CARS2: variants seen among roughly 807,000 people sequenced by gnomAD.
CARS2 encodes probable cysteine--tRNA ligase, mitochondrial.
A neutral mutation model predicts 68.8 loss-of-function variants in CARS2; 52 were observed. That is an observed-to-expected ratio of 0.76 (90% CI 0.61 to 0.95). The LOEUF (loss-of-function observed/expected upper bound fraction) is 0.95. Among genes scored for constraint, CARS2 ranks in the 40% least tolerant of loss-of-function variants. The pLI is 0.00. For missense variants in CARS2, 780 were observed against 754.2 expected, an observed-to-expected ratio of 1.03 and a Z score of -0.40; for synonymous variants, 314 against 303.6, an observed-to-expected ratio of 1.03 and a Z score of -0.36.
intron 3 of CARS2, among the ~76,000 whole-genome samples, chr13:110,689,300 T>C (rs4000215): frequency 0.99 from 150,403 of 152,360 alleles, 74,260 homozygotes; most frequent in Middle Eastern, 1. Flanking sequence ...TGCTAGTCTC[T>C]CCGAGCTGCT....
exon 1 of CARS2, chr13:110,713,475 A>C: frequency 1.0e-6 from 1 of 988,904 alleles, no homozygotes; most frequent in Non-Finnish European, 1.2e-6. Flanking sequence ...TCCACACCCC[A>C]GCGGCCCTGA....
chr13:110,662,141 G>C (rs550782249), intron 9 of CARS2, among the ~76,000 whole-genome samples: 1 of 152,350 alleles, frequency 6.6e-6, no homozygotes, highest in Admixed American at 6.5e-5. Context: ...GCTCAATAAA[G>C]CAAGGTCCCT....
intron 7 of CARS2, among the ~76,000 whole-genome samples, chr13:110,675,665 C>A (rs2062926560): frequency 6.6e-6 from 1 of 152,038 alleles, no homozygotes; most frequent in Non-Finnish European, 1.5e-5. Flanking sequence ...ATGTAACAAA[C>A]CTGCACATTG....
chr13:110,664,194 T>G, intron 8 of CARS2: 1 of 985,400 alleles, frequency 1.0e-6, no homozygotes, highest in Non-Finnish European at 1.2e-6. Flanking sequence ...CTTCCTCTTT[T>G]TCTGACACAA....
At chr13:110,684,050 G>A (rs2063228154) in intron 5 of CARS2, among the ~76,000 whole-genome samples, 1 of 152,156 alleles carries the variant, frequency 6.6e-6, no homozygotes, top group African/African-American at 2.4e-5. Flanking sequence ...TTGTCAAGAA[G>A]AAAGCACTAC....
At chr13:110,706,479 G>C (rs184431642), upstream of CARS2, 33 of 159,970 alleles carry the variant, frequency 2.1e-4, no homozygotes, top group African/African-American at 7.9e-4. Context: ...TACAGTGCAA[G>C]CTTCTGTTGC....
upstream of CARS2, among the ~76,000 whole-genome samples, chr13:110,708,615 G>A (rs1423676826): frequency 6.6e-6 from 1 of 151,562 alleles, no homozygotes. Context: ...CACCCAGGCT[G>A]GAGTGCAGTG....
intron 6 of CARS2, among the ~76,000 whole-genome samples, 154 bp from the exon 7 acceptor site, chr13:110,677,257 CA>C: frequency 2.7e-5 from 1 of 36,420 alleles, no homozygotes; most frequent in Non-Finnish European, 8.3e-5. Context: ...CAGTCACCCC[CA>C]CCACAGAGAC....
At chr13:110,678,566 T>C (rs1198311567) in intron 6 of CARS2, among the ~76,000 whole-genome samples, 1 of 152,198 alleles carries the variant, frequency 6.6e-6, no homozygotes, top group African/African-American at 2.4e-5. Context: ...TAACATCCTC[T>C]GGGCACCCAA....
intron 6 of CARS2, among the ~76,000 whole-genome samples, chr13:110,682,557 T>A (rs1246190005): frequency 6.6e-6 from 1 of 152,260 alleles, no homozygotes. Flanking sequence ...CAAATTATTT[T>A]AAATTTAGTT....
intron 1 of CARS2, chr13:110,712,763 G>C (rs997965436): frequency 4.2e-6 from 3 of 706,486 alleles, no homozygotes; most frequent in Non-Finnish European, 7.7e-6. Context: ...CATGACACAG[G>C]GCGGGAAGAG....
At chr13:110,645,794 G>A (rs1888027234) in intron 12 of CARS2, 173 bp downstream of exon 12, 3 of 828,106 alleles carry the variant, frequency 3.6e-6, no homozygotes, top group Admixed American at 5.8e-5. Flanking sequence ...GCCCCAGGCT[G>A]GGTGCCATCC....
At chr13:110,646,194 TG>T in intron 11 of CARS2, 104 bp from the exon 12 acceptor site, 1 of 1,368,726 alleles carries the variant, frequency 7.3e-7, no homozygotes, top group Non-Finnish European at 9.8e-7. Flanking sequence ...GGCTCTAATC[TG>T]GGGACTTTCT....
upstream of CARS2, chr13:110,707,250 C>T (rs2063981562): frequency 6.6e-6 from 1 of 152,242 alleles, no homozygotes; most frequent in African/African-American, 2.4e-5. Context: ...CAACCCAACA[C>T]ACACCATGTC....
At position 110,705,174 on chromosome 13, in the gene CARS2, T is replaced by C. The variant is rs2063903873; in HGVS notation, c.275+347A>G. ...AGCAATAAAGTGACCTGCTCAGTGC[T>C]GTGAAGCTAAGAAGTGGTGGGGCCC... On this transcript the variant is annotated intron_variant, in intron 2 of 14. Coordinates refer to ENST00000257347, the MANE Select transcript of CARS2 (RefSeq NM_024537.4). This position sits in a 1 kb window ranked among gnomAD's most constrained non-coding sequence, Gnocchi z 4.0. Among the ~76,000 whole-genome samples the C allele has an allele frequency of 6.6e-6, 1 of 152,316 alleles. No homozygotes were observed. Among genetic ancestry groups the C allele is most frequent in the African/African-American group, 2.4e-5 (1 of 41,574 alleles).
rs1217604060 is a variant in CARS2 at position 110,665,332 on chromosome 13, G to C, written c.920-1814C>G. ...ATGGTGGTATGCACCTGTAGTCGCA[G>C]CTACTAGAACAGCTGAGGCAGGAGA... On this transcript the variant is annotated intron_variant, in intron 8 of 14. Coordinates refer to ENST00000257347, the MANE Select transcript of CARS2 (RefSeq NM_024537.4). This position sits in a 1 kb window ranked among gnomAD's most constrained non-coding sequence, Gnocchi z 4.3. 4.6e-6 allele frequency: 3 copies of C among 651,498 alleles called. No individual in the cohort carries two copies. Among genetic ancestry groups the C allele is most frequent in the Non-Finnish European group, 5.7e-6 (3 of 524,944 alleles). The allele number at this position is 651,498 out of a possible 1,614,324, so 40.4% of individuals were successfully genotyped here.
rs140777150 is a variant in CARS2, at chr13:110,664,727, C to G, written c.920-1209G>C. The G allele has an allele frequency of 2.6e-5, 21 of 819,754 alleles. No individual in the cohort carries two copies. In the African/African-American group the frequency reaches 3.7e-4, roughly 14 times the overall value. The allele number at this position is 819,754 out of a possible 1,614,324, so 50.8% of individuals were successfully genotyped here. A position where few individuals can be genotyped will look rare whatever the true frequency, so the allele number is the denominator to read the frequency against. On this transcript the variant is annotated intron_variant, in intron 8 of 14. Coordinates refer to ENST00000257347, the MANE Select transcript of CARS2 (RefSeq NM_024537.4). ...CAAATTCCTGTCAAAATCCTCAGCC[C>G]TCAGGTGACGGTAACTGAAGGCAGG...
rs1047110632 is a variant in CARS2 at position 110,665,468 on chromosome 13, C to T, written c.919+1872G>A. 1.6e-5 allele frequency: 16 copies of T among 985,376 alleles called. No homozygotes were observed. Among genetic ancestry groups the T allele is most frequent in the Non-Finnish European group, 1.9e-5 (16 of 829,996 alleles). 61.0% of individuals were successfully genotyped at this position (985,376 alleles called of 1,614,324 possible). On this transcript the variant is annotated intron_variant, in intron 8 of 14. Transcript: ENST00000257347. The surrounding 1 kb of genome is among the most constrained non-coding windows in gnomAD (Gnocchi z 4.3). ...TCAACAACAACAGCAAATGCTTTCCCATTCCCACATCGGAAGGTGAACACG... is the reference window on the plus strand; with the variant it reads ...TCAACAACAACAGCAAATGCTTTCCTATTCCCACATCGGAAGGTGAACACG...
Position 110,646,073 on chromosome 13 carries a change from C to T in CARS2, c.1211G>A (p.Arg404Lys), listed in dbSNP as rs1458279405. 3 of 1,613,714 alleles carry T rather than the reference C, an allele frequency of 1.9e-6. No homozygotes were observed. Among genetic ancestry groups the T allele is most frequent in the South Asian group, 1.1e-5 (1 of 91,040 alleles). ...MLWERLSSTK[R>K]AVKAALADDF... Reference sequence around the variant, plus strand: ...ATCTGCCAAGGCCGCCTTCACGGCCCTCTTGGTGCTGGAGAGCCTGAGGGA... The same window carrying T: ...ATCTGCCAAGGCCGCCTTCACGGCCTTCTTGGTGCTGGAGAGCCTGAGGGA... The change falls in exon 12 of 15, where the codon AGG (arginine) becomes AAG (lysine). Residue 404 changes from arginine to lysine, a missense_variant. By Grantham distance (26) the Arg-to-Lys change is conservative (BLOSUM62 2). Coordinates refer to ENST00000257347, the MANE Select transcript of CARS2 (RefSeq NM_024537.4).
Sources: allele counts gnomAD v4.1 joint callset (sites outside exome capture counted in the v4.1 genomes callset), GRCh38; gene constraint gnomAD v4.1.1; non-coding constraint Gnocchi (gnomAD v3.1); transcripts MANE v1.5; gene names NCBI Gene and HGNC (gene_info 2026-07-23, HGNC 2026-07-21).